CNGA3: variants seen among roughly 807,000 people sequenced by gnomAD.
CNGA3 encodes the protein cyclic nucleotide gated channel subunit alpha 3, also known as cyclic nucleotide-gated channel alpha-3.
A neutral mutation model predicts 46.6 loss-of-function variants in CNGA3; 42 were observed. The observed-to-expected ratio is 0.90, with a 90% CI of 0.70 to 1.17. The LOEUF (loss-of-function observed/expected upper bound fraction) is 1.17. Ranked by LOEUF, CNGA3 falls within the 50% of genes most tolerant of loss-of-function variation. CNGA3 has a pLI of 0.00. For synonymous variants in CNGA3, 394 were observed against 369.4 expected, an observed-to-expected ratio of 1.07 and a Z score of -0.76; for missense variants, 893 against 890.7, an observed-to-expected ratio of 1.00 and a Z score of -0.03.
In CNGA3 at chr2:98,389,738, T is replaced by A. The variant is rs145830636; in HGVS notation, c.530T>A (p.Leu177Gln). 1.2e-6 allele frequency: 2 copies of A among 1,613,512 alleles called. No homozygotes were observed. Among genetic ancestry groups the A allele is most frequent in the Non-Finnish European group, 1.7e-6 (2 of 1,180,014 alleles). The change falls in exon 6 of 8, where the codon CTG becomes CAG. Residue 177 changes from leucine to glutamine, a missense_variant. Leu to Gln is a moderately radical substitution (Grantham distance 113). Around this residue, in one of 3 missense-constraint regions of CNGA3, gnomAD observed 333 missense variants for 290.8 expected, o/e 1.15. Coordinates refer to ENST00000272602, the MANE Select transcript of CNGA3 (RefSeq NM_001298.3). Reference protein sequence around the residue: ...LYYRWLTAIALPVFYNWYLLI... With the variant: ...LYYRWLTAIAQPVFYNWYLLI... ...TACCGCTGGCTGACCGCCATCGCCC[T>A]GCCTGTCTTCTATAACTGGTATCTG...
intron 1 of CNGA3, among the ~76,000 whole-genome samples, chr2:98,359,677 C>G (rs1007765762): frequency 1.3e-5 from 2 of 152,196 alleles, no homozygotes; most frequent in African/African-American, 4.8e-5. Context: ...GCCCTAGGTC[C>G]ACACCACGTC....
At chr2:98,394,594 G>C (rs1331983853) in intron 7 of CNGA3, among the ~76,000 whole-genome samples, 16 of 152,172 alleles carry the variant, frequency 1.1e-4, no homozygotes, top group Admixed American at 8.5e-4. Context: ...TGTTTCATCT[G>C]TTCCTTTTCT....
At chr2:98,385,210 G>T (rs753216832) in intron 5 of CNGA3, among the ~76,000 whole-genome samples, 2 of 152,160 alleles carry the variant, frequency 1.3e-5, no homozygotes, top group South Asian at 4.1e-4. Context: ...TGAGTCCGGC[G>T]TAAACTGCAG....
chr2:98,363,426 T>G (rs1331267085), intron 1 of CNGA3, among the ~76,000 whole-genome samples: 1 of 152,232 alleles, frequency 6.6e-6, no homozygotes, highest in Non-Finnish European at 1.5e-5. Flanking sequence ...GAGTGGAAAT[T>G]CATTCATGAT....
At chr2:98,352,653 T>C (rs542152202) in intron 1 of CNGA3, among the ~76,000 whole-genome samples, 2 of 152,330 alleles carry the variant, frequency 1.3e-5, no homozygotes, top group East Asian at 3.9e-4. Flanking sequence ...TTTGAATCCA[T>C]GGACTGGGTA....
Position 98,398,520 on chromosome 2 carries a change from T to C in CNGA3, c.*1265T>C, listed in dbSNP as rs1471096772. ...CTCTCCTCTTTTCCTCCTCAAAATG[T>C]ATATATTTTAAAAGCCTTAACTGTT... is the stretch of plus-strand genomic sequence containing the variant. On this transcript the variant is annotated 3_prime_UTR_variant, in exon 8 of 8. Coordinates refer to ENST00000272602, the MANE Select transcript of CNGA3 (RefSeq NM_001298.3). 4.6e-5 allele frequency: 7 copies of C among 152,158 alleles called. No homozygotes were observed. Among genetic ancestry groups the C allele is most frequent in the African/African-American group, 9.7e-5 (4 of 41,438 alleles). The allele number at this position is 152,158 out of a possible 1,614,324, so 9.4% of individuals were successfully genotyped here.
intron 1 of CNGA3, among the ~76,000 whole-genome samples, chr2:98,353,875 G>A (rs975153973): frequency 3.3e-5 from 5 of 152,278 alleles, no homozygotes; most frequent in Middle Eastern, 3.4e-3. Flanking sequence ...AGGGGCAAGT[G>A]GGGGAGGTGT....
At chr2:98,378,829 A>C (rs1692473130) in intron 3 of CNGA3, among the ~76,000 whole-genome samples, 1 of 152,212 alleles carries the variant, frequency 6.6e-6, no homozygotes, top group Non-Finnish European at 1.5e-5. Flanking sequence ...CTGGGGAGGT[A>C]GTCACCTTCC....
At chr2:98,362,090 A>G (rs1489016128) in intron 1 of CNGA3, among the ~76,000 whole-genome samples, 2 of 151,340 alleles carry the variant, frequency 1.3e-5, no homozygotes, top group Non-Finnish European at 2.9e-5. Context: ...CCTAATGATC[A>G]GTGACGTTAA....
In CNGA3 at chr2:98,367,167, G is replaced by GTTTATTTT. The variant is rs751611132; in HGVS notation, c.-37-2769_-37-2768insATTTTTTT. Among the ~76,000 whole-genome samples the GTTTATTTT allele has an allele frequency of 6.9e-5, 7 of 101,578 alleles. 1 individual carries two copies. Among genetic ancestry groups the GTTTATTTT allele is most frequent in the Non-Finnish European group, 1.3e-4 (6 of 45,344 alleles). The allele number at this position is 101,578 out of a possible 152,430, so 66.6% of individuals were successfully genotyped here. On this transcript the variant is annotated intron_variant, in intron 1 of 7. Transcript: ENST00000272602. ...TTGGTGAGAACCTCTGACATCAGCT[G>GTTTATTTT]TTTTTTTTCTTTTTTTTCTTTTTTT... is the stretch of plus-strand genomic sequence containing the variant.
intron 2 of CNGA3, among the ~76,000 whole-genome samples, chr2:98,373,243 A>G (rs1052051856): frequency 2.0e-5 from 3 of 152,220 alleles, no homozygotes; most frequent in African/African-American, 4.8e-5. Flanking sequence ...ACTCAGGCAC[A>G]TACCACGCAA....
chr2:98,392,206 G>A lies in CNGA3; in HGVS notation c.673+236G>A, dbSNP rs186341796. Among the ~76,000 whole-genome samples, 3 of 152,332 alleles carry A rather than the reference G, an allele frequency of 2.0e-5. No individual in the cohort carries two copies. In the East Asian group the frequency reaches 5.8e-4, roughly 29 times the overall value. On this transcript the variant is annotated intron_variant, in intron 7 of 7. Transcript: ENST00000272602. ...GCTCTGGGCTCTGCTCTTCCAACAA[G>A]CTGTATGACCTTGAGCAAGTCAGGC...
chr2:98,358,289 G>C lies in CNGA3; in HGVS notation c.-37-11650G>C, dbSNP rs766517062. Among the ~76,000 whole-genome samples, 4 of 152,302 alleles carry C rather than the reference G, an allele frequency of 2.6e-5. No homozygotes were observed. The South Asian group carries it at 6.2e-4, about 24-fold the overall frequency. On this transcript the variant is annotated intron_variant, in intron 1 of 7. Transcript: ENST00000272602. ...AGGAATTGACCAATCAAATAATTAA[G>C]AGTAAAATTTTTTCTTTTAAAAATA... is the stretch of plus-strand genomic sequence containing the variant.
chr2:98,359,780 T>C (rs1691982250), intron 1 of CNGA3, among the ~76,000 whole-genome samples: 1 of 152,262 alleles, frequency 6.6e-6, no homozygotes, highest in Middle Eastern at 3.4e-3. Context: ...CACAAACAGC[T>C]GCTCCTTGGC....
chr2:98,384,348 A>C (rs116487900), intron 5 of CNGA3, among the ~76,000 whole-genome samples: 3,307 of 152,268 alleles, frequency 0.022, 134 homozygotes, highest in African/African-American at 0.076. Flanking sequence ...CAGATTAGGG[A>C]CAGCGTGGCA....
chr2:98,357,532 G>A (rs904370370), intron 1 of CNGA3, among the ~76,000 whole-genome samples: 18 of 152,072 alleles, frequency 1.2e-4, no homozygotes, highest in South Asian at 1.0e-3. Flanking sequence ...TGTTTAACAC[G>A]CCTGTTTTCC....
chr2:98,378,450 C>T (rs1282728708), intron 3 of CNGA3, among the ~76,000 whole-genome samples: 3 of 152,208 alleles, frequency 2.0e-5, no homozygotes, highest in Non-Finnish European at 2.9e-5. Context: ...CAACAAACAC[C>T]AGGCTCATTA....
At chr2:98,370,225 T>G in intron 2 of CNGA3, 149 bp downstream of exon 2, 1 of 710,248 alleles carries the variant, frequency 1.4e-6, no homozygotes, top group Non-Finnish European at 2.5e-6. Context: ...CAACTTCATT[T>G]TTCATCTCAC....
intron 2 of CNGA3, among the ~76,000 whole-genome samples, chr2:98,372,543 A>G (rs565285676): frequency 6.6e-6 from 1 of 152,260 alleles, no homozygotes; most frequent in East Asian, 1.9e-4. Context: ...GTTTAACAGC[A>G]CAAGCTTGGG....
Sources: gnomAD v4.1 joint callset for allele counts (sites outside exome capture counted in the v4.1 genomes callset) on GRCh38, gnomAD v4.1.1 for gene constraint, gnomAD v4.1.1 regional missense constraint, MANE v1.5 for transcripts, NCBI Gene and HGNC (gene_info 2026-07-23, HGNC 2026-07-21) for gene names.